Variants in DCC observed in about 807,000 individuals in gnomAD.
DCC encodes the protein netrin receptor DCC.
Under a neutral mutation model 172.5 loss-of-function variants are expected in DCC, and 58 were observed. That is an observed-to-expected ratio of 0.34 (90% CI 0.27 to 0.42). The LOEUF (loss-of-function observed/expected upper bound fraction) is 0.42. DCC is among the 10% of genes least tolerant of loss of function. The pLI is 1.00. For synonymous variants in DCC, 709 were observed against 644.5 expected, an observed-to-expected ratio of 1.10 and a Z score of -1.52; for missense variants, 1,740 against 1,791.0, an observed-to-expected ratio of 0.97 and a Z score of 0.51.
At chr18:52,873,059 T>C (rs2039346638) in intron 2 of DCC, among the ~76,000 whole-genome samples, 1 of 152,192 alleles carries the variant, frequency 6.6e-6, no homozygotes, top group Non-Finnish European at 1.5e-5. Flanking sequence ...GCTGTCAATC[T>C]CACAATTTGA....
intron 7 of DCC, among the ~76,000 whole-genome samples, chr18:53,109,951 T>A (rs1474919000): frequency 6.6e-6 from 1 of 151,746 alleles, no homozygotes; most frequent in Middle Eastern, 3.4e-3. Context: ...GAAAGTATTT[T>A]TTTTTTCTGG....
intron 5 of DCC, among the ~76,000 whole-genome samples, chr18:53,029,406 A>AT (rs1177195093): frequency 6.6e-6 from 1 of 152,178 alleles, no homozygotes; most frequent in African/African-American, 2.4e-5. Flanking sequence ...TTTGCCTATC[A>AT]TATGTAAGTT....
chr18:53,054,088 G>A (rs1468612482), intron 5 of DCC, among the ~76,000 whole-genome samples: 1 of 152,000 alleles, frequency 6.6e-6, no homozygotes, highest in Non-Finnish European at 1.5e-5. Flanking sequence ...TGTAATATTT[G>A]CATATAACCT....
intron 1 of DCC, among the ~76,000 whole-genome samples, chr18:52,634,436 T>A (rs2034734512): frequency 6.6e-6 from 1 of 152,160 alleles, no homozygotes; most frequent in Non-Finnish European, 1.5e-5. Flanking sequence ...TTAAAAAGTA[T>A]TAGGAAAAAA....
intron 1 of DCC, among the ~76,000 whole-genome samples, chr18:52,544,020 T>C (rs1002027058): frequency 1.3e-5 from 2 of 152,224 alleles, no homozygotes; most frequent in Non-Finnish European, 2.9e-5. Flanking sequence ...CACTTTGAAA[T>C]CTGTGGACCT....
intron 25 of DCC, among the ~76,000 whole-genome samples, chr18:53,472,592 A>G (rs2045711173): frequency 6.6e-6 from 1 of 152,266 alleles, no homozygotes; most frequent in African/African-American, 2.4e-5. Context: ...CATCTAATAA[A>G]TTCCCATATG....
rs148984818 is a variant in DCC, at chr18:53,032,743, G to C, written c.986-30562G>C. On this transcript the variant is annotated intron_variant, in intron 5 of 28. Transcript: ENST00000442544. ...TACTGTGAGAGCTTTAGGGTACAGAGTGCATGAGGACATAGGGATTCTTTT... is the reference window on the plus strand; with the variant it reads ...TACTGTGAGAGCTTTAGGGTACAGACTGCATGAGGACATAGGGATTCTTTT... 1.9e-4 allele frequency among the ~76,000 whole-genome samples: 29 copies of C among 152,266 alleles called. No individual in the cohort carries two copies. In the East Asian group the frequency reaches 5.2e-3, roughly 27 times the overall value.
At chr18:53,429,108 A>G (rs903894087) in intron 21 of DCC, among the ~76,000 whole-genome samples, 1 of 80,726 alleles carries the variant, frequency 1.2e-5, no homozygotes, top group Non-Finnish European at 2.8e-5. Flanking sequence ...TATATATAAT[A>G]TATATATTTT....
At chr18:52,527,942 A>G (rs74667636) in intron 1 of DCC, among the ~76,000 whole-genome samples, 3,046 of 152,238 alleles carry the variant, frequency 0.02, 107 homozygotes, top group East Asian at 0.095. Context: ...AGCCCATTTT[A>G]CTTGTAATAC....
At chr18:53,245,159 T>C (rs2056351091) in intron 12 of DCC, among the ~76,000 whole-genome samples, 1 of 152,122 alleles carries the variant, frequency 6.6e-6, no homozygotes, top group African/African-American at 2.4e-5. Flanking sequence ...CCTATATTTT[T>C]GCAGAAAAGA....
chr18:52,806,275 C>T (rs1198501575), intron 2 of DCC, among the ~76,000 whole-genome samples: 1 of 152,204 alleles, frequency 6.6e-6, no homozygotes, highest in Non-Finnish European at 1.5e-5. Context: ...CCGTCAACAT[C>T]CCATGCTCTA....
chr18:52,412,193 A>G (rs1986866787), intron 1 of DCC, among the ~76,000 whole-genome samples: 1 of 152,014 alleles, frequency 6.6e-6, no homozygotes, highest in Admixed American at 6.6e-5. Flanking sequence ...CACATATGTG[A>G]GTGTATGTGT....
At chr18:52,455,672 A>T (rs1350804000) in intron 1 of DCC, among the ~76,000 whole-genome samples, 1 of 152,188 alleles carries the variant, frequency 6.6e-6, no homozygotes, top group Non-Finnish European at 1.5e-5. Context: ...TAGCATTGTG[A>T]TCCTCGGCAA....
chr18:53,044,690 A>G (rs190642506), intron 5 of DCC, among the ~76,000 whole-genome samples: 109 of 152,012 alleles, frequency 7.2e-4, no homozygotes, highest in African/African-American at 2.5e-3. Context: ...GAAAGAAAAA[A>G]TAACCAGACA....
chr18:52,645,009 A>G (rs530812450), intron 1 of DCC, among the ~76,000 whole-genome samples: 18 of 152,270 alleles, frequency 1.2e-4, no homozygotes, highest in African/African-American at 4.3e-4. Context: ...TTAGGGAAGA[A>G]AAGGGGGAAG....
intron 1 of DCC, among the ~76,000 whole-genome samples, chr18:52,599,164 C>T (rs906796537): frequency 5.9e-5 from 9 of 152,116 alleles, no homozygotes; most frequent in East Asian, 5.8e-4. Flanking sequence ...CCAGGGAGAC[C>T]GTTTTACAGT....
intron 5 of DCC, among the ~76,000 whole-genome samples, chr18:52,940,664 GTAATT>G (rs2040447493): frequency 6.6e-6 from 1 of 152,154 alleles, no homozygotes; most frequent in Admixed American, 6.5e-5. Flanking sequence ...TGTGGAAAGT[GTAATT>G]TAATATATCT....
chr18:53,280,130 A>G (rs1298464076), intron 12 of DCC, among the ~76,000 whole-genome samples: 1 of 152,164 alleles, frequency 6.6e-6, no homozygotes, highest in Non-Finnish European at 1.5e-5. Flanking sequence ...GTTGAAGCCT[A>G]TGGGCTAATT....
At chr18:52,659,557 T>A (rs2144943883) in intron 1 of DCC, among the ~76,000 whole-genome samples, 1 of 152,302 alleles carries the variant, frequency 6.6e-6, no homozygotes, top group African/African-American at 2.4e-5. Flanking sequence ...TAAGAACTCA[T>A]ATAGTCAGGA....
Sources: allele counts gnomAD v4.1 joint callset (sites outside exome capture counted in the v4.1 genomes callset), GRCh38; gene constraint gnomAD v4.1.1; transcripts MANE v1.5; gene names NCBI Gene and HGNC (gene_info 2026-07-23, HGNC 2026-07-21).